Variants in GRM8 observed in about 807,000 individuals in gnomAD.
GRM8 encodes metabotropic glutamate receptor 8.
In GRM8, 47 loss-of-function variants were observed where a neutral mutation model predicts 87.2. That is an observed-to-expected ratio of 0.54 (90% confidence interval 0.43 to 0.69). The LOEUF is 0.69. GRM8 is among the 30% of genes least tolerant of loss of function. GRM8 has a pLI of 0.00. For synonymous variants in GRM8, 396 were observed against 404.5 expected (o/e 0.98, Z 0.25); for missense variants, 1,019 against 1,139.2 (o/e 0.89, Z 1.52).
intron 9 of GRM8, among the ~76,000 whole-genome samples, chr7:126,527,926 G>T (rs1435592269): frequency 6.6e-6 from 1 of 152,138 alleles, no homozygotes; most frequent in Non-Finnish European, 1.5e-5. Context: ...ACACTTTCAG[G>T]CCGGGTGCAG....
intron 6 of GRM8, among the ~76,000 whole-genome samples, chr7:126,770,911 C>G (rs1818777695): frequency 6.6e-6 from 1 of 151,916 alleles, no homozygotes; most frequent in East Asian, 1.9e-4. Flanking sequence ...ATTCGTAGGT[C>G]TCAGACTGCA....
intron 7 of GRM8, among the ~76,000 whole-genome samples, chr7:126,705,319 A>C (rs147303995): frequency 5.6e-4 from 86 of 152,290 alleles, no homozygotes; most frequent in African/African-American, 2.0e-3. Flanking sequence ...CTTGCTGCAC[A>C]AACTTGCTAA....
chr7:126,461,466 T>C (rs2150521044), intron 9 of GRM8, among the ~76,000 whole-genome samples: 1 of 151,734 alleles, frequency 6.6e-6, no homozygotes, highest in Admixed American at 6.6e-5. Flanking sequence ...CCCCAGACTT[T>C]CAAGTCATGG....
intron 3 of GRM8, among the ~76,000 whole-genome samples, chr7:126,907,405 A>G (rs959452004): frequency 6.6e-6 from 1 of 152,142 alleles, no homozygotes; most frequent in Non-Finnish European, 1.5e-5. Context: ...ATAAATTATA[A>G]TAAGCCCTGT....
intron 6 of GRM8, among the ~76,000 whole-genome samples, chr7:126,774,334 C>T (rs1260110906): frequency 6.6e-6 from 1 of 152,140 alleles, no homozygotes; most frequent in Admixed American, 6.6e-5. Context: ...GACAGTGACT[C>T]ATCAACCTAA....
chr7:127,204,764 C>T (rs1180933049), intron 2 of GRM8, among the ~76,000 whole-genome samples: 1 of 151,976 alleles, frequency 6.6e-6, no homozygotes, highest in Non-Finnish European at 1.5e-5. Flanking sequence ...ACTGAGAGCT[C>T]ACATTAGAAA....
At chr7:127,176,067 G>A (rs2116366070) in intron 2 of GRM8, among the ~76,000 whole-genome samples, 1 of 152,298 alleles carries the variant, frequency 6.6e-6, no homozygotes, top group East Asian at 1.9e-4. Flanking sequence ...GAGGGATACT[G>A]TTATGAGTAA....
intron 7 of GRM8, among the ~76,000 whole-genome samples, chr7:126,617,187 T>C (rs62477897): frequency 0.13 from 20,178 of 152,182 alleles, 1,665 homozygotes; most frequent in Non-Finnish European, 0.18. Context: ...CATGATCAAG[T>C]TGGCTTCATC....
rs375382975 is a variant in GRM8 at position 126,533,562 on chromosome 7, C to T, written c.1820G>A (p.Arg607His). Residue 607 changes from arginine to histidine, a missense_variant, in exon 9 of 11, where the codon CGC (arginine) becomes CAC (histidine). Transcript: ENST00000339582. ...ATTFVIVTFVRYNDTPIVRAS... is the reference protein window; with the variant it reads ...ATTFVIVTFVHYNDTPIVRAS... ...CCTCACGATAGGTGTGTCATTATAG[C>T]GGACAAAGGTCACGATCACAAAGGT... 43 of 1,613,894 alleles carry T rather than the reference C, an allele frequency of 2.7e-5. No individual in the cohort carries two copies. The highest frequency in any genetic ancestry group is 5.5e-5 in the South Asian group (5 of 91,086).
chr7:126,912,566 A>G (rs1803428310), intron 3 of GRM8, among the ~76,000 whole-genome samples: 1 of 152,172 alleles, frequency 6.6e-6, no homozygotes, highest in East Asian at 1.9e-4. Flanking sequence ...AATACAATGA[A>G]TCATCAGACT....
chr7:126,750,214 G>T (rs920171093), intron 7 of GRM8, among the ~76,000 whole-genome samples: 22 of 152,000 alleles, frequency 1.4e-4, no homozygotes, highest in Non-Finnish European at 2.6e-4. Flanking sequence ...GTGGGAGAAA[G>T]AACACAAAAT....
At chr7:126,506,397 A>G (rs1359158203) in intron 9 of GRM8, among the ~76,000 whole-genome samples, 1 of 152,108 alleles carries the variant, frequency 6.6e-6, no homozygotes, top group Non-Finnish European at 1.5e-5. Context: ...CGATGTGGAC[A>G]TTAGATCTAC....
intron 2 of GRM8, among the ~76,000 whole-genome samples, chr7:127,136,686 T>C (rs2133248113): frequency 6.6e-6 from 1 of 152,122 alleles, no homozygotes; most frequent in East Asian, 1.9e-4. Flanking sequence ...TCACTATTTC[T>C]ATAAACATGT....
At chr7:126,641,875 T>C (rs1032983839) in intron 7 of GRM8, among the ~76,000 whole-genome samples, 2 of 152,086 alleles carry the variant, frequency 1.3e-5, no homozygotes, top group African/African-American at 2.4e-5. Flanking sequence ...TGTGGCAAAA[T>C]TGTTCTTTTT....
intron 2 of GRM8, among the ~76,000 whole-genome samples, chr7:127,237,977 A>T (rs1798072577): frequency 6.6e-6 from 1 of 152,182 alleles, no homozygotes; most frequent in South Asian, 2.1e-4. Context: ...AAGGAGAAAA[A>T]ATTTGAGCTC....
intron 2 of GRM8, among the ~76,000 whole-genome samples, chr7:127,203,873 G>C (rs573883971): frequency 6.6e-6 from 1 of 150,948 alleles, no homozygotes; most frequent in African/African-American, 2.4e-5. Context: ...ACAGAAGAAA[G>C]AGAAAAAAAA....
At chr7:126,522,235 C>A (rs1813087740) in intron 9 of GRM8, among the ~76,000 whole-genome samples, 1 of 152,178 alleles carries the variant, frequency 6.6e-6, no homozygotes, top group Non-Finnish European at 1.5e-5. Flanking sequence ...TGAGTCCTCT[C>A]CTTTCCACTT....
chr7:126,500,601 A>C (rs1421714446), intron 9 of GRM8, among the ~76,000 whole-genome samples: 1 of 152,046 alleles, frequency 6.6e-6, no homozygotes, highest in Non-Finnish European at 1.5e-5. Context: ...TTGGAAAAGA[A>C]CAGTAGGAAG....
Position 127,187,934 on chromosome 7 carries a change from C to T in GRM8, c.510+54761G>A, listed in dbSNP as rs144404888. Among the ~76,000 whole-genome samples the T allele has an allele frequency of 7.2e-3, 1,091 of 152,276 alleles. 5 individuals carry two copies. The highest frequency in any genetic ancestry group is 0.013 in the Non-Finnish European group (866 of 68,022). ...TCTTTTATCTCTGATCTCATTATTC[C>T]TCCACCGAACTCATTTGATCTCATG... On this transcript the variant is annotated intron_variant, in intron 2 of 10. Coordinates refer to ENST00000339582, the MANE Select transcript of GRM8 (RefSeq NM_000845.3).
Sources: gnomAD v4.1 joint callset for allele counts (sites outside exome capture counted in the v4.1 genomes callset) on GRCh38, gnomAD v4.1.1 for gene constraint, MANE v1.5 for transcripts, NCBI Gene and HGNC (gene_info 2026-07-23, HGNC 2026-07-21) for gene names.